NOTCH2: variants seen among roughly 807,000 people sequenced by gnomAD.
NOTCH2 encodes the protein notch receptor 2.
A neutral mutation model predicts 235.8 loss-of-function variants in NOTCH2; 29 were observed. The ratio of observed to expected loss-of-function variants is 0.12; its 90% CI spans 0.09 to 0.17. NOTCH2 has a LOEUF of 0.17. Ranked by LOEUF, NOTCH2 falls within the 10% of genes least tolerant of loss-of-function variation. The pLI is 1.00. For synonymous variants in NOTCH2, 1,086 were observed against 1,141.5 expected (o/e 0.95, Z 0.98); for missense variants, 2,285 against 3,150.2 (o/e 0.73, Z 6.57).
At chr1:119,939,010 C>T (rs1300586397) in intron 19 of NOTCH2, among the ~76,000 whole-genome samples, 1 of 152,144 alleles carries the variant, frequency 6.6e-6, no homozygotes, top group Non-Finnish European at 1.5e-5. Context: ...TCACTTACTC[C>T]AGTTCAGGTT....
At chr1:119,999,661 C>T (rs1465125295) in intron 3 of NOTCH2, among the ~76,000 whole-genome samples, 2 of 151,842 alleles carry the variant, frequency 1.3e-5, no homozygotes, top group Admixed American at 1.3e-4. Flanking sequence ...GTGGGCAGAT[C>T]ACTTGTGGTT....
intron 17 of NOTCH2, among the ~76,000 whole-genome samples, chr1:119,945,234 A>G (rs1167757461): frequency 1.3e-5 from 2 of 152,130 alleles, no homozygotes; most frequent in African/African-American, 2.4e-5. Flanking sequence ...ATATAGATAA[A>G]GTTTTGAAAT....
intron 2 of NOTCH2, among the ~76,000 whole-genome samples, chr1:120,029,308 A>T (rs1654000096): frequency 6.6e-6 from 1 of 151,666 alleles, no homozygotes; most frequent in African/African-American, 2.4e-5. Flanking sequence ...AGTATGCCTT[A>T]ATCTGAAAAA....
Position 120,069,498 on chromosome 1 carries a change from C to T in NOTCH2, c.-92G>A, listed in dbSNP as rs1553218019. 5 of 1,464,360 alleles carry T rather than the reference C, an allele frequency of 3.4e-6. No homozygotes were observed. Among genetic ancestry groups the T allele is most frequent in the East Asian group, 5.3e-5 (2 of 37,428 alleles). 90.7% of individuals were successfully genotyped at this position (1,464,360 alleles called of 1,614,324 possible). A position where few individuals can be genotyped will look rare whatever the true frequency, so the allele number is the denominator to read the frequency against. On this transcript the variant is annotated 5_prime_UTR_variant, in exon 1 of 34. Coordinates refer to ENST00000256646, the MANE Select transcript of NOTCH2 (RefSeq NM_024408.4). ...CCCGATAGAGGAGCCCCACTCTCTC[C>T]TCCCCTCCTCCTGCTTCAAAGGCTC...
chr1:119,971,268 T>C (rs782013674), intron 5 of NOTCH2, among the ~76,000 whole-genome samples: 9 of 152,226 alleles, frequency 5.9e-5, no homozygotes, highest in African/African-American at 1.9e-4. Flanking sequence ...AGGATGGGTA[T>C]GTGGATGTCT....
intron 1 of NOTCH2, among the ~76,000 whole-genome samples, chr1:120,045,148 G>A (rs1298803170): frequency 4.5e-4 from 1 of 2,240 alleles, no homozygotes; most frequent in African/African-American, 0.016. Context: ...CTTCTTCAGA[G>A]TCTCTCCACA....
chr1:119,997,637 CTCTCTCAGAGCTCACTG>C (rs1652522343), intron 3 of NOTCH2, among the ~76,000 whole-genome samples: 1 of 151,890 alleles, frequency 6.6e-6, no homozygotes, highest in Non-Finnish European at 1.5e-5. Context: ...GATCCATCTA[CTCTCTCAGAGCTCACTG>C]TCTTTGCATA....
intron 22 of NOTCH2, chr1:119,935,262 C>G: frequency 6.8e-7 from 1 of 1,471,694 alleles, no homozygotes; most frequent in Non-Finnish European, 9.0e-7. Context: ...TGCCAAACAA[C>G]CAGATAAAAC....
At chr1:119,986,813 C>A in intron 5 of NOTCH2, 147 bp downstream of exon 5, 2 of 983,358 alleles carry the variant, frequency 2.0e-6, no homozygotes, top group South Asian at 2.9e-5. Flanking sequence ...GTACAATAAG[C>A]AATGATCTAG....
Position 120,069,588 on chromosome 1 carries a change from C to T in NOTCH2, c.-182G>A. 7.1e-7 allele frequency: 1 copy of T among 1,411,480 alleles called. No homozygotes were observed. The highest frequency in any genetic ancestry group is 9.2e-7 in the Non-Finnish European group (1 of 1,092,358). 87.4% of individuals were successfully genotyped at this position (1,411,480 alleles called of 1,614,324 possible). On this transcript the variant is annotated 5_prime_UTR_variant, in exon 1 of 34. Transcript: ENST00000256646. Reference sequence around the variant, plus strand: ...CTCGACTCCCCGCGCCCCGAGTCCGCCGCTCCTCGGCCGCCGCCTCAGCCG... The same window carrying T: ...CTCGACTCCCCGCGCCCCGAGTCCGTCGCTCCTCGGCCGCCGCCTCAGCCG...
At chr1:120,048,445 C>CTTTTT (rs782527466) in intron 1 of NOTCH2, among the ~76,000 whole-genome samples, 2 of 100,404 alleles carry the variant, frequency 2.0e-5, no homozygotes, top group Non-Finnish European at 3.6e-5. Flanking sequence ...CCCAATACCA[C>CTTTTT]TTTTTTTTTT....
intron 5 of NOTCH2, among the ~76,000 whole-genome samples, chr1:119,972,717 A>G (rs949574798): frequency 1.3e-5 from 2 of 152,202 alleles, no homozygotes; most frequent in East Asian, 1.9e-4. Flanking sequence ...TCTCATTTAT[A>G]TCTGAGGAAA....
chr1:120,058,320 A>G (rs1553215580), intron 1 of NOTCH2, among the ~76,000 whole-genome samples: 1 of 151,276 alleles, frequency 6.6e-6, no homozygotes, highest in African/African-American at 2.4e-5. Context: ...CCTGCCCAAC[A>G]TAGAGAAACC....
chr1:119,941,498 G>C (rs782363312), intron 18 of NOTCH2, 28 bp downstream of exon 18: 24 of 1,483,118 alleles, frequency 1.6e-5, no homozygotes, highest in Non-Finnish European at 4.7e-6. Context: ...CTCGTAAGAT[G>C]CTGATGCCCG....
At chr1:119,995,968 A>C (rs1421070827) in intron 4 of NOTCH2, 2 of 152,466 alleles carry the variant, frequency 1.3e-5, no homozygotes, top group Non-Finnish European at 2.9e-5. Flanking sequence ...TAAGATTCCC[A>C]CTCTGAAAGA....
In NOTCH2 at chr1:120,027,565, C is replaced by T. The variant is rs587636601; in HGVS notation, c.155+2341G>A. Among the ~76,000 whole-genome samples the T allele has an allele frequency of 6.9e-4, 104 of 151,074 alleles. 1 individual carries two copies. The South Asian group carries it at 0.02, about 29-fold the overall frequency. On this transcript the variant is annotated intron_variant, in intron 2 of 33. Transcript: ENST00000256646. ...TGGTGGTTTGCTGCACCTATCAACC[C>T]GTCATCCAGGTTTTAAGCCCCACGT...
chr1:119,944,533 T>C (rs1345191090), intron 17 of NOTCH2, among the ~76,000 whole-genome samples: 1 of 63,186 alleles, frequency 1.6e-5, no homozygotes, highest in Non-Finnish European at 3.1e-5. Context: ...AGACTCAGTC[T>C]AAAAAAAAAA....
intron 5 of NOTCH2, among the ~76,000 whole-genome samples, chr1:119,979,357 T>C (rs1553201362): frequency 6.6e-6 from 1 of 152,152 alleles, no homozygotes; most frequent in Non-Finnish European, 1.5e-5. Flanking sequence ...GTGTTACTTA[T>C]GAAAAAGAAG....
At chr1:120,065,190 G>T (rs1172067999) in intron 1 of NOTCH2, among the ~76,000 whole-genome samples, 5 of 152,162 alleles carry the variant, frequency 3.3e-5, no homozygotes, top group African/African-American at 9.7e-5. Flanking sequence ...GAAAAATTTG[G>T]TTTTTCCCCA....
Sources: allele counts gnomAD v4.1 joint callset (sites outside exome capture counted in the v4.1 genomes callset), GRCh38; gene constraint gnomAD v4.1.1; transcripts MANE v1.5; gene names NCBI Gene and HGNC (gene_info 2026-07-23, HGNC 2026-07-21).